Variants in SLC4A4 observed in about 807,000 individuals in gnomAD.
The protein encoded by SLC4A4 is solute carrier family 4 member 4.
A neutral mutation model predicts 111.5 loss-of-function variants in SLC4A4; 27 were observed. The observed-to-expected ratio is 0.24, with a 90% CI of 0.18 to 0.33. The LOEUF is 0.33. Among genes scored for constraint, SLC4A4 ranks in the 10% least tolerant of loss-of-function variants. The pLI, the probability that SLC4A4 is intolerant of heterozygous loss-of-function variation, is 1.00. For synonymous variants in SLC4A4, 443 were observed against 463.4 expected, an observed-to-expected ratio of 0.96 and a Z score of 0.57; for missense variants, 909 against 1,315.5, an observed-to-expected ratio of 0.69 and a Z score of 4.78.
At chr4:71,072,572 T>C (rs1741697962) in intron 1 of SLC4A4, among the ~76,000 whole-genome samples, 1 of 152,110 alleles carries the variant, frequency 6.6e-6, no homozygotes, top group Non-Finnish European at 1.5e-5. Flanking sequence ...TTTTTTTTCC[T>C]TTTAATATGC....
At chr4:71,538,956 C>T (rs535526969) in intron 18 of SLC4A4, among the ~76,000 whole-genome samples, 151 of 152,080 alleles carry the variant, frequency 9.9e-4, no homozygotes, top group South Asian at 3.7e-3. Flanking sequence ...ACTGCAAAGT[C>T]AGAGATACTT....
intron 2 of SLC4A4, among the ~76,000 whole-genome samples, chr4:71,246,451 A>C (rs377020941): frequency 6.6e-6 from 1 of 152,208 alleles, no homozygotes; most frequent in African/African-American, 2.4e-5. Flanking sequence ...AAGAACAGGA[A>C]GTGGAAAGAC....
rs541591312 is a variant in SLC4A4, at chr4:71,529,963, A to C, written c.2167-2099A>C. 1.2e-4 allele frequency among the ~76,000 whole-genome samples: 18 copies of C among 152,206 alleles called. No individual in the cohort carries two copies. In the South Asian group the frequency reaches 3.7e-3, roughly 32 times the overall value. On this transcript the variant is annotated intron_variant, in intron 16 of 25. Coordinates refer to ENST00000264485, the MANE Select transcript of SLC4A4 (RefSeq NM_001098484.3). ...TCCTGACATACTCCTGAACTGCTTC[A>C]TAGGACCATCTTTTGCCAGACCACC... is the stretch of plus-strand genomic sequence containing the variant.
Position 71,542,945 on chromosome 4 carries a change from G to A in SLC4A4, c.2443-3405G>A, listed in dbSNP as rs142918913. ...ATCTATAGTATCCATTCTGTGGTAC[G>A]CACTGTGCCAAGTGCTAGTTTGGTG... On this transcript the variant is annotated intron_variant, in intron 18 of 25. Coordinates refer to ENST00000264485, the MANE Select transcript of SLC4A4 (RefSeq NM_001098484.3). Among the ~76,000 whole-genome samples, 488 of 152,116 alleles carry A rather than the reference G, an allele frequency of 3.2e-3. 4 individuals carry two copies. The highest frequency in any genetic ancestry group is 0.011 in the African/African-American group (444 of 41,530).
intron 2 of SLC4A4, among the ~76,000 whole-genome samples, chr4:71,244,202 T>C (rs1435007983): frequency 6.6e-6 from 1 of 152,230 alleles, no homozygotes; most frequent in East Asian, 1.9e-4. Context: ...ATTCAAGTTT[T>C]TACTCGCTTT....
At chr4:71,125,239 G>A (rs545064832) in intron 2 of SLC4A4, among the ~76,000 whole-genome samples, 4 of 152,320 alleles carry the variant, frequency 2.6e-5, no homozygotes, top group African/African-American at 2.4e-5. Context: ...AAAAGGCCAA[G>A]GTGTTACTTT....
At chr4:71,173,804 G>A (rs1275704490) in intron 2 of SLC4A4, among the ~76,000 whole-genome samples, 2 of 152,130 alleles carry the variant, frequency 1.3e-5, no homozygotes, top group African/African-American at 4.8e-5. Flanking sequence ...TGAAAATGTA[G>A]GGAGTTCTGA....
chr4:71,522,135 C>T (rs1282803530), intron 16 of SLC4A4, among the ~76,000 whole-genome samples: 1 of 152,196 alleles, frequency 6.6e-6, no homozygotes, highest in Admixed American at 6.5e-5. Flanking sequence ...CATTGACAGT[C>T]TTTTTTGTAT....
At chr4:71,529,932 G>C (rs1439033429) in intron 16 of SLC4A4, among the ~76,000 whole-genome samples, 1 of 152,078 alleles carries the variant, frequency 6.6e-6, no homozygotes, top group African/African-American at 2.4e-5. Flanking sequence ...AGGGGTGTTT[G>C]TAACTTCCTG....
chr4:71,389,135 G>T (rs192614434), intron 6 of SLC4A4, among the ~76,000 whole-genome samples: 79 of 152,292 alleles, frequency 5.2e-4, no homozygotes, highest in African/African-American at 1.8e-3. Context: ...GTCCCAAAGG[G>T]CAGGGAATGG....
intron 2 of SLC4A4, among the ~76,000 whole-genome samples, chr4:71,107,204 G>A (rs536017866): frequency 6.6e-6 from 1 of 152,032 alleles, no homozygotes; most frequent in South Asian, 2.1e-4. Flanking sequence ...TCTGTCTTTG[G>A]GGAATTTAAT....
At chr4:71,483,459 A>T (rs1729074851) in intron 14 of SLC4A4, among the ~76,000 whole-genome samples, 1 of 151,914 alleles carries the variant, frequency 6.6e-6, no homozygotes, top group African/African-American at 2.4e-5. Context: ...TTTGCTAAGG[A>T]TAATGGCCTC....
At chr4:71,291,353 A>G (rs1223537360) in intron 3 of SLC4A4, among the ~76,000 whole-genome samples, 1 of 152,234 alleles carries the variant, frequency 6.6e-6, no homozygotes, top group Non-Finnish European at 1.5e-5. Context: ...AAAAAAAGTT[A>G]GTTATAATGT....
At chr4:71,547,797 C>A (rs1735664089) in intron 20 of SLC4A4, 77 bp downstream of exon 20, 1 of 1,248,118 alleles carries the variant, frequency 8.0e-7, no homozygotes, top group Non-Finnish European at 1.2e-6. Flanking sequence ...TGAAATTCCT[C>A]ATGAGATATT....
intron 1 of SLC4A4, among the ~76,000 whole-genome samples, chr4:71,216,674 C>T (rs2149017307): frequency 6.6e-6 from 1 of 152,320 alleles, no homozygotes; most frequent in Non-Finnish European, 1.5e-5. Context: ...GGTTATCCCT[C>T]CTGCTCCATG....
chr4:71,489,949 A>G (rs1729753093), intron 15 of SLC4A4, among the ~76,000 whole-genome samples: 1 of 151,764 alleles, frequency 6.6e-6, no homozygotes, highest in African/African-American at 2.4e-5. Flanking sequence ...GGAAAAGAGC[A>G]GGAGAGAGGG....
intron 6 of SLC4A4, among the ~76,000 whole-genome samples, chr4:71,359,896 T>C (rs529119347): frequency 6.6e-6 from 1 of 152,158 alleles, no homozygotes; most frequent in Non-Finnish European, 1.5e-5. Flanking sequence ...TAGTTATAGC[T>C]AGCAACAATG....
At chr4:71,500,176 C>A (rs1730784719) in intron 16 of SLC4A4, among the ~76,000 whole-genome samples, 3 of 152,156 alleles carry the variant, frequency 2.0e-5, no homozygotes, top group Admixed American at 2.0e-4. Context: ...CCTGATACTT[C>A]ATGATGTTGA....
intron 3 of SLC4A4, among the ~76,000 whole-genome samples, chr4:71,297,077 A>G (rs186498464): frequency 6.6e-6 from 1 of 152,342 alleles, no homozygotes; most frequent in Admixed American, 6.5e-5. Flanking sequence ...CCAAGTGGCT[A>G]AGCTTAGTTG....
Sources: gnomAD v4.1 joint callset for allele counts (sites outside exome capture counted in the v4.1 genomes callset) on GRCh38, gnomAD v4.1.1 for gene constraint, MANE v1.5 for transcripts, NCBI Gene and HGNC (gene_info 2026-07-23, HGNC 2026-07-21) for gene names.